CALN1: variants seen among roughly 807,000 people sequenced by gnomAD.
CALN1 encodes the protein calneuron 1, also known as calcium-binding protein 8.
In CALN1, 17 loss-of-function variants were observed where a neutral mutation model predicts 30.6. The observed-to-expected ratio is 0.56, with a 90% CI of 0.38 to 0.83. The LOEUF (loss-of-function observed/expected upper bound fraction) is 0.83. Among genes scored for constraint, CALN1 ranks in the 40% least tolerant of loss-of-function variants. CALN1 has a pLI of 0.00. For missense variants in CALN1, 291 were observed against 354.9 expected (o/e 0.82, Z 1.45); for synonymous variants, 156 against 131.4 (o/e 1.19, Z -1.28).
intron 2 of CALN1, among the ~76,000 whole-genome samples, chr7:72,313,889 G>T (rs181788250): frequency 1.3e-5 from 2 of 150,856 alleles, no homozygotes; most frequent in African/African-American, 5.0e-5. Flanking sequence ...AAGGAGATGT[G>T]GAAGGCACAA....
chr7:71,791,657 G>A lies in CALN1; in HGVS notation c.659-3755C>T, dbSNP rs146881373. Among the ~76,000 whole-genome samples, 34 of 152,228 alleles carry A rather than the reference G, an allele frequency of 2.2e-4. No homozygotes were observed. The East Asian group carries it at 5.6e-3, about 25-fold the overall frequency. ...TCTGTACAACAAACGCCTGTGACAC[G>A]AGTTTACCTACAGAACAAACCTGCA... On this transcript the variant is annotated intron_variant, in intron 6 of 6. Coordinates refer to ENST00000395275, the MANE Select transcript of CALN1 (RefSeq NM_031468.4).
intron 3 of CALN1, among the ~76,000 whole-genome samples, chr7:72,142,008 G>A (rs1429565286): frequency 2.6e-5 from 4 of 152,172 alleles, no homozygotes; most frequent in East Asian, 1.9e-4. Flanking sequence ...CAAGATGGCC[G>A]AATAGGAACA....
chr7:72,048,038 C>CTTTT (rs35051822), intron 4 of CALN1, among the ~76,000 whole-genome samples: 26 of 137,300 alleles, frequency 1.9e-4, no homozygotes, highest in Non-Finnish European at 2.6e-4. Flanking sequence ...TCTTCTTCTT[C>CTTTT]TTCTTTTTTT....
At chr7:72,147,401 C>T (rs1786841406) in intron 3 of CALN1, among the ~76,000 whole-genome samples, 1 of 151,284 alleles carries the variant, frequency 6.6e-6, no homozygotes, top group South Asian at 2.1e-4. Context: ...AAATGCAAAT[C>T]AAAACCACAA....
At chr7:72,132,864 C>G (rs146248729) in intron 3 of CALN1, among the ~76,000 whole-genome samples, 6 of 152,094 alleles carry the variant, frequency 3.9e-5, no homozygotes, top group African/African-American at 1.4e-4. Flanking sequence ...TGTTAGGAAC[C>G]GGGCTGCAGA....
intron 2 of CALN1, among the ~76,000 whole-genome samples, chr7:72,311,720 C>T (rs1800068875): frequency 7.1e-6 from 1 of 141,384 alleles, no homozygotes; most frequent in East Asian, 2.1e-4. Context: ...TGGTCTCGAA[C>T]TCCTGAGCTC....
chr7:71,833,668 A>G (rs1314242775), intron 5 of CALN1, among the ~76,000 whole-genome samples: 2 of 152,092 alleles, frequency 1.3e-5, no homozygotes, highest in Admixed American at 1.3e-4. Context: ...CACTTTGGGA[A>G]GCCAAAGCAG....
intron 6 of CALN1, among the ~76,000 whole-genome samples, chr7:71,799,648 G>C (rs551339343): frequency 1.3e-5 from 2 of 151,932 alleles, no homozygotes; most frequent in East Asian, 3.9e-4. Flanking sequence ...ATTTCTTTTT[G>C]TATTTTTAGT....
chr7:72,267,385 G>A (rs576476437), intron 3 of CALN1, among the ~76,000 whole-genome samples: 2 of 152,234 alleles, frequency 1.3e-5, no homozygotes, highest in East Asian at 3.9e-4. Context: ...TGGGCTGCAG[G>A]GCACCTCTCC....
intron 3 of CALN1, among the ~76,000 whole-genome samples, chr7:72,207,379 G>T (rs1238230270): frequency 6.6e-6 from 1 of 152,060 alleles, no homozygotes; most frequent in Non-Finnish European, 1.5e-5. Flanking sequence ...ACCCTCATTG[G>T]CCAACTCCTA....
chr7:72,339,586 C>T (rs967569597), intron 2 of CALN1, among the ~76,000 whole-genome samples: 4 of 152,168 alleles, frequency 2.6e-5, no homozygotes, highest in East Asian at 1.9e-4. Context: ...TGTTTTTGTT[C>T]CCTGTATCAG....
chr7:71,828,798 C>G (rs1387845970), intron 5 of CALN1, among the ~76,000 whole-genome samples: 2 of 151,168 alleles, frequency 1.3e-5, no homozygotes, highest in African/African-American at 4.9e-5. Flanking sequence ...GCCCAGGCTG[C>G]TGTGCAGTGG....
chr7:72,005,559 T>TG lies in CALN1; in HGVS notation c.501+18097dup, dbSNP rs1799726766. On this transcript the variant is annotated intron_variant, in intron 5 of 6. Coordinates refer to ENST00000395275, the MANE Select transcript of CALN1 (RefSeq NM_031468.4). Reference sequence around the variant, plus strand: ...GTTTCCCAGGCTGGTCTCAAACTCCTGGGCTCAAGCAATCCCCCCACCTCA... The same window carrying TG: ...GTTTCCCAGGCTGGTCTCAAACTCCTGGGGCTCAAGCAATCCCCCCACCTCA... 2.0e-5 allele frequency among the ~76,000 whole-genome samples: 3 copies of TG among 152,046 alleles called. No homozygotes were observed. In the South Asian group the frequency reaches 6.2e-4, roughly 32 times the overall value.
intron 3 of CALN1, among the ~76,000 whole-genome samples, chr7:72,110,729 G>T (rs860010): frequency 0.73 from 111,091 of 151,272 alleles, 41,104 homozygotes; most frequent in East Asian, 0.97. Context: ...TAGGCACCTC[G>T]GGAGAGTTAA....
chr7:72,218,346 G>A (rs752505331), intron 3 of CALN1, among the ~76,000 whole-genome samples: 15 of 152,004 alleles, frequency 9.9e-5, no homozygotes, highest in Non-Finnish European at 2.2e-4. Context: ...TACTCAGGAA[G>A]CTAAGGCAGG....
intron 5 of CALN1, among the ~76,000 whole-genome samples, chr7:71,868,835 A>G (rs1791751545): frequency 6.6e-6 from 1 of 152,152 alleles, no homozygotes; most frequent in African/African-American, 2.4e-5. Context: ...TGTTTGCCCT[A>G]TTAATAGTAA....
At chr7:72,154,006 T>C (rs1787463145) in intron 3 of CALN1, among the ~76,000 whole-genome samples, 1 of 151,942 alleles carries the variant, frequency 6.6e-6, no homozygotes, top group African/African-American at 2.4e-5. Flanking sequence ...CAGAGTAACT[T>C]CTCTGTGAAT....
intron 5 of CALN1, among the ~76,000 whole-genome samples, chr7:71,860,680 A>G (rs1791220112): frequency 6.6e-6 from 1 of 152,208 alleles, no homozygotes; most frequent in Non-Finnish European, 1.5e-5. Context: ...ACATTGTTAC[A>G]CAGCAAAGAA....
the CALN1 span, among the ~76,000 whole-genome samples, chr7:72,466,491 C>T: frequency 6.6e-6 from 1 of 152,134 alleles, no homozygotes; most frequent in South Asian, 2.1e-4. Flanking sequence ...CACCTGTAAT[C>T]CCAGCACTTT....
Sources: allele counts gnomAD v4.1 joint callset (sites outside exome capture counted in the v4.1 genomes callset), GRCh38; gene constraint gnomAD v4.1.1; transcripts MANE v1.5; gene names NCBI Gene and HGNC (gene_info 2026-07-23, HGNC 2026-07-21).